Variants in CYB5R3 observed in about 807,000 individuals in gnomAD.
The protein encoded by CYB5R3 is cytochrome b5 reductase 3.
Under a neutral mutation model 36.5 loss-of-function variants are expected in CYB5R3, and 28 were observed. The observed-to-expected ratio is 0.77, with a 90% CI of 0.57 to 1.05. The LOEUF is 1.05. CYB5R3 is among the 50% of genes least tolerant of loss of function. CYB5R3 has a pLI of 0.00. For missense variants in CYB5R3, 474 were observed against 408.9 expected, an observed-to-expected ratio of 1.16 and a Z score of -1.37; for synonymous variants, 181 against 159.8, an observed-to-expected ratio of 1.13 and a Z score of -1.00.
At chr22:42,635,920 A>G (rs1393297457) in intron 2 of CYB5R3, among the ~76,000 whole-genome samples, 2 of 152,202 alleles carry the variant, frequency 1.3e-5, no homozygotes, top group Non-Finnish European at 2.9e-5. Flanking sequence ...AGAGCTTTGA[A>G]AAAAAGGAGT....
chr22:42,640,234 G>T, intron 1 of CYB5R3: 1 of 1,588,818 alleles, frequency 6.3e-7, no homozygotes, highest in Non-Finnish European at 8.5e-7. Flanking sequence ...ATTCACCAGT[G>T]CTGGGGTCTT....
rs1400695397 is a variant in CYB5R3, at chr22:42,618,297, G to A, written c.*1476C>T. The A allele has an allele frequency of 1.3e-5, 2 of 152,146 alleles. No individual in the cohort carries two copies. Among genetic ancestry groups the A allele is most frequent in the African/African-American group, 4.8e-5 (2 of 41,440 alleles). The allele number at this position is 152,146 out of a possible 1,614,324, so 9.4% of individuals were successfully genotyped here. A position where few individuals can be genotyped will look rare whatever the true frequency, so the allele number is the denominator to read the frequency against. On this transcript the variant is annotated 3_prime_UTR_variant, in exon 9 of 9. Coordinates refer to ENST00000352397, the MANE Select transcript of CYB5R3 (RefSeq NM_000398.7). Reference sequence around the variant, plus strand: ...TCACGCCTGTAATCCCAGCACTTTGGGAGGCCGAGGCGGGCGGATCACGAG... The same window carrying A: ...TCACGCCTGTAATCCCAGCACTTTGAGAGGCCGAGGCGGGCGGATCACGAG...
intron 8 of CYB5R3, among the ~76,000 whole-genome samples, chr22:42,622,405 A>G (rs905162162): frequency 1.3e-5 from 2 of 152,110 alleles, no homozygotes; most frequent in African/African-American, 2.4e-5. Context: ...CCCCACTGGA[A>G]GGTCAGCTGC....
At chr22:42,642,118 T>C (rs950600631) in intron 1 of CYB5R3, among the ~76,000 whole-genome samples, 26 of 22,254 alleles carry the variant, frequency 1.2e-3, no homozygotes, top group African/African-American at 2.9e-3. Flanking sequence ...TAAGAGCTCT[T>C]TTTTTTTTTT....
Position 42,619,959 on chromosome 22 carries a change from G to C in CYB5R3, c.734-14C>G. On this transcript the variant is annotated splice_polypyrimidine_tract_variant and intron_variant, in intron 8 of 8. Transcript: ENST00000352397. ...CGTAGTCCCAGGCTGTGGGGTGAGAGACCAGGTAAGCTGACGTGTGGCTGT... is the reference window on the plus strand; with the variant it reads ...CGTAGTCCCAGGCTGTGGGGTGAGACACCAGGTAAGCTGACGTGTGGCTGT... 6.3e-7 allele frequency: 1 copy of C among 1,586,586 alleles called. No homozygotes were observed. Among genetic ancestry groups the C allele is most frequent in the Non-Finnish European group, 8.6e-7 (1 of 1,165,712 alleles).
At chr22:42,632,535 G>A (rs1178970938) in intron 2 of CYB5R3, 1 of 152,348 alleles carries the variant, frequency 6.6e-6, no homozygotes, top group East Asian at 1.9e-4. Context: ...CGGTGCAAAC[G>A]CCACTCAGGA....
intron 2 of CYB5R3, 50 bp from the exon 3 acceptor site, chr22:42,631,500 C>T: frequency 1.3e-6 from 2 of 1,519,254 alleles, no homozygotes; most frequent in South Asian, 1.2e-5. Context: ...AGAGGCCTCC[C>T]AGGGCGGCTC....
At position 42,619,431 on chromosome 22, in the gene CYB5R3, C is replaced by T. The variant is rs148109106; in HGVS notation, c.*342G>A. 13 of 309,504 alleles carry T rather than the reference C, an allele frequency of 4.2e-5. No individual in the cohort carries two copies. Among genetic ancestry groups the T allele is most frequent in the Middle Eastern group, 9.9e-4 (1 of 1,006 alleles). The allele number at this position is 309,504 out of a possible 1,614,324, so 19.2% of individuals were successfully genotyped here. On this transcript the variant is annotated 3_prime_UTR_variant, in exon 9 of 9. Transcript: ENST00000352397. ...TGACATCCCGACTATGGTCCACGGCCGGGAATGGTGGGCAGACGGGGCTGC... is the reference window on the plus strand; with the variant it reads ...TGACATCCCGACTATGGTCCACGGCTGGGAATGGTGGGCAGACGGGGCTGC...
At chr22:42,625,641 G>C (rs553284175) in intron 7 of CYB5R3, among the ~76,000 whole-genome samples, 49 of 152,210 alleles carry the variant, frequency 3.2e-4, no homozygotes, top group African/African-American at 1.1e-3. Context: ...TGGAACCTTG[G>C]GGGGCTGCTA....
chr22:42,620,799 G>T (rs1927923780), intron 8 of CYB5R3, among the ~76,000 whole-genome samples: 1 of 152,228 alleles, frequency 6.6e-6, no homozygotes, highest in African/African-American at 2.4e-5. Context: ...GACTCCATGA[G>T]CTAAGTCACT....
chr22:42,622,994 G>T (rs968040688), intron 8 of CYB5R3, among the ~76,000 whole-genome samples: 1 of 152,230 alleles, frequency 6.6e-6, no homozygotes, highest in Non-Finnish European at 1.5e-5. Flanking sequence ...TCCACAGCGG[G>T]ATTGCCCACG....
intron 1 of CYB5R3, among the ~76,000 whole-genome samples, chr22:42,642,390 G>A (rs1345133548): frequency 6.6e-6 from 1 of 152,062 alleles, no homozygotes; most frequent in Non-Finnish European, 1.5e-5. Flanking sequence ...TAGGATTGCA[G>A]GTATAAGCCC....
rs370107442 is a variant in CYB5R3, at chr22:42,644,518, G to A, written c.21+4777C>T. Reference sequence around the variant, plus strand: ...AGCAAACTCCTATTCATTCCTCAGAGCCTAGCTCAAACATCAAATCTTCCC... The same window carrying A: ...AGCAAACTCCTATTCATTCCTCAGAACCTAGCTCAAACATCAAATCTTCCC... On this transcript the variant is annotated intron_variant, in intron 1 of 8. Coordinates refer to ENST00000352397, the MANE Select transcript of CYB5R3 (RefSeq NM_000398.7). 4.4e-5 allele frequency: 60 copies of A among 1,378,654 alleles called. No homozygotes were observed. The Middle Eastern group carries it at 7.0e-4, about 16-fold the overall frequency. The allele number at this position is 1,378,654 out of a possible 1,614,324, so 85.4% of individuals were successfully genotyped here.
In CYB5R3 at chr22:42,631,015, G is replaced by A. The variant is rs1928587640; in HGVS notation, c.227-27C>T. On this transcript the variant is annotated intron_variant, in intron 3 of 8. Transcript: ENST00000352397. ...TGCAGGACAGAACGGGGTCACTCTG[G>A]GCCAGAGATCATCCTGCGGGTGACC... 2.5e-6 allele frequency: 4 copies of A among 1,596,982 alleles called. No homozygotes were observed. The East Asian group carries it at 6.7e-5, about 27-fold the overall frequency.
intron 1 of CYB5R3, chr22:42,640,023 C>T (rs1929154770): frequency 6.2e-7 from 1 of 1,613,264 alleles, no homozygotes; most frequent in Non-Finnish European, 8.5e-7. Flanking sequence ...AAAACCACGT[C>T]GACACCTCAG....
At position 42,643,959 on chromosome 22, in the gene CYB5R3, G is replaced by A. The variant is rs914849779; in HGVS notation, c.21+5336C>T. On this transcript the variant is annotated intron_variant, in intron 1 of 8. Coordinates refer to ENST00000352397, the MANE Select transcript of CYB5R3 (RefSeq NM_000398.7). Reference sequence around the variant, plus strand: ...ACTCCCCACCTCAACCCTAGGCTGCGGGCACTGTGATCATCCCAGCACGTG... The same window carrying A: ...ACTCCCCACCTCAACCCTAGGCTGCAGGCACTGTGATCATCCCAGCACGTG... 7.2e-4 allele frequency among the ~76,000 whole-genome samples: 110 copies of A among 152,178 alleles called. 1 individual carries two copies. Among genetic ancestry groups the A allele is most frequent in the Admixed American group, 5.4e-3 (83 of 15,274 alleles).
chr22:42,638,880 A>T (rs910979108), intron 1 of CYB5R3, among the ~76,000 whole-genome samples: 6 of 151,650 alleles, frequency 4.0e-5, no homozygotes, highest in Admixed American at 3.9e-4. Flanking sequence ...TAAAAATACA[A>T]AAAATTAGCT....
At chr22:42,637,884 G>A (rs1928981045) in intron 1 of CYB5R3, among the ~76,000 whole-genome samples, 1 of 152,162 alleles carries the variant, frequency 6.6e-6, no homozygotes, top group South Asian at 2.1e-4. Context: ...ATGACCAAGT[G>A]GACCCTGCCA....
chr22:42,632,373 A>T (rs1420761106), intron 2 of CYB5R3: 1 of 152,338 alleles, frequency 6.6e-6, no homozygotes, highest in Non-Finnish European at 1.5e-5. Context: ...AGAGGGGGAC[A>T]ACAGACCTCT....
Sources: gnomAD v4.1 joint callset for allele counts (sites outside exome capture counted in the v4.1 genomes callset) on GRCh38, gnomAD v4.1.1 for gene constraint, MANE v1.5 for transcripts, NCBI Gene and HGNC (gene_info 2026-07-23, HGNC 2026-07-21) for gene names.